LRP1B: variants seen among roughly 807,000 people sequenced by gnomAD.
LRP1B encodes the protein LDL receptor related protein 1B, also known as low-density lipoprotein receptor-related protein 1B.
Under a neutral mutation model 556.6 loss-of-function variants are expected in LRP1B, and 217 were observed. That is an observed-to-expected ratio of 0.39 (90% CI 0.35 to 0.44). The LOEUF (loss-of-function observed/expected upper bound fraction) is 0.44, where lower values mean the gene tolerates loss of function less well. Ranked by LOEUF, LRP1B falls within the 20% of genes least tolerant of loss-of-function variation. The probability of loss-of-function intolerance (pLI) is 1.00; values close to 1 mark genes in which losing one functional copy is unlikely to be tolerated. For synonymous variants in LRP1B, 2,047 were observed against 1,865.8 expected (o/e 1.10, Z -2.50); for missense variants, 5,053 against 5,620.8 (o/e 0.90, Z 3.23).
At chr2:140,496,013 G>C (rs1456736993) in intron 55 of LRP1B, among the ~76,000 whole-genome samples, 5 of 152,132 alleles carry the variant, frequency 3.3e-5, no homozygotes, top group Non-Finnish European at 5.9e-5. Flanking sequence ...TGTGGTTAGA[G>C]ATTGGCAAGG....
chr2:140,771,953 A>G (rs192643160), intron 33 of LRP1B, among the ~76,000 whole-genome samples: 1 of 152,308 alleles, frequency 6.6e-6, no homozygotes, highest in East Asian at 1.9e-4. Context: ...TCTGAATTCA[A>G]GATGGTCTGA....
At chr2:141,088,158 T>G (rs1052142760) in intron 7 of LRP1B, among the ~76,000 whole-genome samples, 1 of 152,176 alleles carries the variant, frequency 6.6e-6, no homozygotes, top group Admixed American at 6.5e-5. Flanking sequence ...TTGTTAGTTA[T>G]GTACAATAGA....
intron 66 of LRP1B, among the ~76,000 whole-genome samples, chr2:140,395,531 C>T (rs780749749): frequency 2.1e-4 from 32 of 152,162 alleles, no homozygotes; most frequent in Non-Finnish European, 3.1e-4. Context: ...GTTATGTGGA[C>T]GCACCAGCAG....
intron 2 of LRP1B, among the ~76,000 whole-genome samples, chr2:141,484,122 C>G (rs540739728): frequency 8.7e-4 from 132 of 151,650 alleles, no homozygotes; most frequent in African/African-American, 2.7e-3. Context: ...TTTAATCCAT[C>G]TTGAATTAAT....
At chr2:141,594,286 C>G (rs1044427772) in intron 2 of LRP1B, among the ~76,000 whole-genome samples, 4 of 152,070 alleles carry the variant, frequency 2.6e-5, no homozygotes, top group Non-Finnish European at 5.9e-5. Flanking sequence ...GAGACAAGAA[C>G]TTGGACCTAG....
At chr2:142,049,370 T>G (rs1319840967) in intron 1 of LRP1B, among the ~76,000 whole-genome samples, 1 of 152,140 alleles carries the variant, frequency 6.6e-6, no homozygotes, top group Non-Finnish European at 1.5e-5. Context: ...CTCAGCCTAA[T>G]ATAGCTTTAT....
At chr2:141,628,697 G>A (rs1216832219) in intron 2 of LRP1B, among the ~76,000 whole-genome samples, 3 of 152,046 alleles carry the variant, frequency 2.0e-5, no homozygotes, top group Non-Finnish European at 2.9e-5. Context: ...CACCCAGGCT[G>A]GAGTACAGTG....
At chr2:140,495,338 C>G (rs532350075) in intron 56 of LRP1B, among the ~76,000 whole-genome samples, 1 of 146,884 alleles carries the variant, frequency 6.8e-6, no homozygotes, top group East Asian at 2.0e-4. Flanking sequence ...TTTGTGGGCA[C>G]TCTCAAAATC....
chr2:140,757,551 CA>C (rs1485784289), intron 35 of LRP1B, among the ~76,000 whole-genome samples: 1 of 152,094 alleles, frequency 6.6e-6, no homozygotes, highest in Non-Finnish European at 1.5e-5. Context: ...CATATGATTC[CA>C]TTTATACAAA....
chr2:141,563,101 GGGTATTA>G (rs1686220391), intron 2 of LRP1B, among the ~76,000 whole-genome samples: 1 of 151,958 alleles, frequency 6.6e-6, no homozygotes, highest in African/African-American at 2.4e-5. Flanking sequence ...AAATAAGCCT[GGGTATTA>G]GGTGATTGTT....
rs551798642 is a variant in LRP1B at position 140,864,114 on chromosome 2, A to G, written c.4579+3476T>C. ...AGTATTTCTCTGTCTTAGGTTCCTCATCTGTGAAACTGGATGGCTAACAAT... is the reference window on the plus strand; with the variant it reads ...AGTATTTCTCTGTCTTAGGTTCCTCGTCTGTGAAACTGGATGGCTAACAAT... On this transcript the variant is annotated intron_variant, in intron 27 of 90. Coordinates refer to ENST00000389484, the MANE Select transcript of LRP1B (RefSeq NM_018557.3). 4.2e-4 allele frequency among the ~76,000 whole-genome samples: 64 copies of G among 152,004 alleles called. 1 individual carries two copies. The highest frequency in any genetic ancestry group is 1.5e-3 in the African/African-American group (64 of 41,494).
At chr2:142,024,112 A>G (rs1703430023) in intron 1 of LRP1B, among the ~76,000 whole-genome samples, 1 of 152,208 alleles carries the variant, frequency 6.6e-6, no homozygotes, top group Non-Finnish European at 1.5e-5. Flanking sequence ...GCAGCTGTGA[A>G]TGAAAGGAGT....
intron 1 of LRP1B, among the ~76,000 whole-genome samples, chr2:142,120,282 T>A (rs996886530): frequency 6.6e-6 from 1 of 152,160 alleles, no homozygotes; most frequent in African/African-American, 2.4e-5. Context: ...TGGCTAATTT[T>A]TGTATTTTTT....
intron 11 of LRP1B, among the ~76,000 whole-genome samples, chr2:141,023,888 A>G (rs1039461120): frequency 6.6e-6 from 1 of 152,042 alleles, no homozygotes; most frequent in Non-Finnish European, 1.5e-5. Context: ...TAGCATGAAC[A>G]TTATTTTTCT....
intron 35 of LRP1B, among the ~76,000 whole-genome samples, chr2:140,718,635 T>A (rs1034245035): frequency 6.6e-6 from 1 of 151,914 alleles, no homozygotes; most frequent in African/African-American, 2.4e-5. Context: ...AAAATGTAAA[T>A]AAGAATTTCT....
chr2:140,996,208 G>A (rs776316772), intron 15 of LRP1B, among the ~76,000 whole-genome samples: 18 of 151,996 alleles, frequency 1.2e-4, no homozygotes, highest in South Asian at 2.1e-4. Flanking sequence ...CTCCCAAGGC[G>A]TAAGGCATCA....
At chr2:141,819,514 A>G (rs1696684638) in intron 1 of LRP1B, among the ~76,000 whole-genome samples, 1 of 152,166 alleles carries the variant, frequency 6.6e-6, no homozygotes, top group African/African-American at 2.4e-5. Flanking sequence ...TAAACATCGC[A>G]TGTTCTCATT....
Position 140,774,847 on chromosome 2 carries a change from T to C in LRP1B, c.5500+1251A>G, listed in dbSNP as rs373504128. Among the ~76,000 whole-genome samples, 18 of 152,274 alleles carry C rather than the reference T, an allele frequency of 1.2e-4. No individual in the cohort carries two copies. In the East Asian group the frequency reaches 2.9e-3, roughly 24 times the overall value. The stretch of plus-strand genomic sequence containing the variant: ...TGAAAAATATCCTTGTTTATTATTG[T>C]GGACATGACCCCAAAAATTCAGAGA... On this transcript the variant is annotated intron_variant, in intron 33 of 90. Coordinates refer to ENST00000389484, the MANE Select transcript of LRP1B (RefSeq NM_018557.3).
intron 22 of LRP1B, among the ~76,000 whole-genome samples, chr2:140,903,423 T>G (rs530524572): frequency 6.6e-6 from 1 of 152,060 alleles, no homozygotes; most frequent in African/African-American, 2.4e-5. Flanking sequence ...GGGAGTATAG[T>G]TTGCTTTGCC....
Sources: gnomAD v4.1 joint callset for allele counts (sites outside exome capture counted in the v4.1 genomes callset) on GRCh38, gnomAD v4.1.1 for gene constraint, MANE v1.5 for transcripts, NCBI Gene and HGNC (gene_info 2026-07-23, HGNC 2026-07-21) for gene names.